Variants in BLOC1S3 observed in about 807,000 individuals in gnomAD.
BLOC1S3 encodes biogenesis of lysosomal organelles complex 1 subunit 3.
In BLOC1S3, 7 loss-of-function variants were observed where a neutral mutation model predicts 9.1. The observed-to-expected ratio is 0.77, with a 90% CI of 0.44 to 1.45. BLOC1S3 has a LOEUF of 1.45. Ranked by LOEUF, BLOC1S3 falls within the 40% of genes most tolerant of loss-of-function variation. The pLI is 0.01. For synonymous variants in BLOC1S3, 145 were observed against 158.4 expected, an observed-to-expected ratio of 0.92 and a Z score of 0.64; for missense variants, 307 against 315.2, an observed-to-expected ratio of 0.97 and a Z score of 0.20.
At chr19:45,183,131 AG>A (rs1483006783), downstream of BLOC1S3, among the ~76,000 whole-genome samples, 1 of 151,978 alleles carries the variant, frequency 6.6e-6, no homozygotes, top group Non-Finnish European at 1.5e-5. Context: ...GTTGTGGGGC[AG>A]GGGGGTGCTG....
chr19:45,213,202 G>T, intron 3 of BLOC1S3: 1 of 1,609,852 alleles, frequency 6.2e-7, no homozygotes, highest in Non-Finnish European at 8.5e-7. Context: ...AGATGGGCGG[G>T]GCACAGGGAT....
chr19:45,201,772 T>C (rs1969692248), intron 2 of BLOC1S3, among the ~76,000 whole-genome samples: 1 of 151,614 alleles, frequency 6.6e-6, no homozygotes, highest in Non-Finnish European at 1.5e-5. Flanking sequence ...AATTCCCCTA[T>C]GTTATAGGGG....
Position 45,195,459 on chromosome 19 carries a change from G to A in BLOC1S3, n.181-6947G>A, listed in dbSNP as rs191690018. ...TGCACTCAAGTGATCCGCCCACTTTGGCCTCCCAAAGTGTTGGGATTATAG... is the reference window on the plus strand; with the variant it reads ...TGCACTCAAGTGATCCGCCCACTTTAGCCTCCCAAAGTGTTGGGATTATAG... On this transcript the variant is annotated intron_variant and non_coding_transcript_variant, in intron 2 of 3. Transcript: ENST00000591569. 7.1e-3 allele frequency among the ~76,000 whole-genome samples: 1,080 copies of A among 151,838 alleles called. 26 individuals are homozygous for A. Among genetic ancestry groups the A allele is most frequent in the Non-Finnish European group, 4.7e-3 (319 of 67,898 alleles).
intron 3 of BLOC1S3, among the ~76,000 whole-genome samples, chr19:45,211,874 G>A (rs1969774706): frequency 6.6e-6 from 1 of 152,152 alleles, no homozygotes; most frequent in Non-Finnish European, 1.5e-5. Context: ...GTCCAGCCCA[G>A]GCCGGAGGGG....
chr19:45,184,082 C>T (rs1487336807), downstream of BLOC1S3, among the ~76,000 whole-genome samples: 1 of 152,208 alleles, frequency 6.6e-6, no homozygotes. Context: ...CTAGCCAGGC[C>T]TGGCTTTCAG....
intron 2 of BLOC1S3, among the ~76,000 whole-genome samples, chr19:45,197,210 G>A (rs1049214694): frequency 6.6e-6 from 1 of 151,832 alleles, no homozygotes; most frequent in Non-Finnish European, 1.5e-5. Flanking sequence ...AGAAGTCCAG[G>A]TGCGGTGGCT....
At chr19:45,212,964 C>T in intron 3 of BLOC1S3, 1 of 1,283,766 alleles carries the variant, frequency 7.8e-7, no homozygotes, top group Non-Finnish European at 1.0e-6. Context: ...TCTTTCTATC[C>T]CAGGGGTGTG....
At chr19:45,209,271 ACTC>A (rs1179048687) in intron 3 of BLOC1S3, among the ~76,000 whole-genome samples, 3 of 151,620 alleles carry the variant, frequency 2.0e-5, no homozygotes, top group Admixed American at 6.6e-5. Context: ...CTGGTCTTAA[ACTC>A]CTGACCTCAA....
intron 2 of BLOC1S3, among the ~76,000 whole-genome samples, chr19:45,189,300 A>G (rs1599750810): frequency 6.6e-6 from 1 of 152,102 alleles, no homozygotes; most frequent in East Asian, 1.9e-4. Flanking sequence ...GATTACAAGT[A>G]TGTGCCACTG....
chr19:45,213,673 C>T (rs911515716), intron 3 of BLOC1S3, among the ~76,000 whole-genome samples: 5 of 151,968 alleles, frequency 3.3e-5, no homozygotes, highest in Non-Finnish European at 7.4e-5. Context: ...AGCTGGGTGC[C>T]GTGGCTCATG....
At chr19:45,197,311 AC>A (rs1483032750) in intron 2 of BLOC1S3, among the ~76,000 whole-genome samples, 2 of 151,898 alleles carry the variant, frequency 1.3e-5, no homozygotes, top group Non-Finnish European at 2.9e-5. Flanking sequence ...ACATGGCGAA[AC>A]CCTGTCTCTA....
chr19:45,214,132 G>A (rs1717003875), intron 3 of BLOC1S3, among the ~76,000 whole-genome samples: 1 of 152,026 alleles, frequency 6.6e-6, no homozygotes, highest in Non-Finnish European at 1.5e-5. Flanking sequence ...CTCCACATCA[G>A]CAAGAATACT....
At chr19:45,216,719 T>C (rs1969839104) in exon 4 of BLOC1S3, 1 of 152,606 alleles carries the variant, frequency 6.6e-6, no homozygotes, top group Non-Finnish European at 1.5e-5. Context: ...TCCAAACCTC[T>C]TCCACGTCTG....
rs753713400 is a variant in BLOC1S3, at chr19:45,179,608, C to CG, written c.313dup (p.Ala105GlyfsTer40). 2 of 1,472,992 alleles carry CG rather than the reference C, an allele frequency of 1.4e-6. No homozygotes were observed. Among genetic ancestry groups the CG allele is most frequent in the South Asian group, 2.6e-5 (2 of 77,412 alleles). 91.2% of individuals were successfully genotyped at this position (1,472,992 alleles called of 1,614,324 possible). On this transcript the variant is annotated frameshift_variant, in exon 2 of 2. Coordinates refer to ENST00000433642, the MANE Select transcript of BLOC1S3 (RefSeq NM_212550.5). LOFTEE classifies it high-confidence loss of function. This position sits in a 1 kb window ranked among gnomAD's most constrained non-coding sequence, Gnocchi z 4.6. ...CGGAGGAGGCCCCGGCGCCCGCCCC[C>CG]GCGCGCTCGCTCCTGCAACTTCGGC...
chr19:45,190,521 T>C (rs1969596570), intron 2 of BLOC1S3, among the ~76,000 whole-genome samples: 1 of 151,864 alleles, frequency 6.6e-6, no homozygotes, highest in Non-Finnish European at 1.5e-5. Flanking sequence ...CACCTTAGCC[T>C]CCTGAGTAGC....
intron 3 of BLOC1S3, among the ~76,000 whole-genome samples, chr19:45,209,919 A>G (rs1969755579): frequency 6.6e-6 from 1 of 150,986 alleles, no homozygotes; most frequent in African/African-American, 2.4e-5. Context: ...TTTAGTAAAG[A>G]TGGGGTTTCA....
intron 2 of BLOC1S3, among the ~76,000 whole-genome samples, chr19:45,194,102 C>CTTTTTTTT (rs34470523): frequency 2.2e-5 from 1 of 45,120 alleles, no homozygotes; most frequent in East Asian, 5.0e-4. Context: ...CGCGCCTGGC[C>CTTTTTTTT]TTTTTTTTTT....
At position 45,216,180 on chromosome 19, in the gene BLOC1S3, C is replaced by G. The variant is rs1482757962; in HGVS notation, n.283-496C>G. The G allele has an allele frequency of 5.0e-6, 8 of 1,613,734 alleles. No homozygotes were observed. The highest frequency in any genetic ancestry group is 2.2e-5 in the East Asian group (1 of 44,892). ...AATGGGGCACCACGGCATCCAGCCA[C>G]GAGGCCTGGGACTCCTGCAGGGGAG... On this transcript the variant is annotated intron_variant and non_coding_transcript_variant, in intron 3 of 3. Coordinates refer to the BLOC1S3 transcript ENST00000591569.
chr19:45,179,825 G>T lies in BLOC1S3; in HGVS notation c.529G>T (p.Val177Leu). 1.4e-5 allele frequency: 22 copies of T among 1,607,702 alleles called. No homozygotes were observed. The highest frequency in any genetic ancestry group is 1.8e-5 in the Non-Finnish European group (21 of 1,178,352). Reference sequence around the variant, plus strand: ...TGCGCTGGCCGAGCGTCTGGACATCGTGGCTGGCTGCCGCCTGCTGCCGGA... The same window carrying T: ...TGCGCTGGCCGAGCGTCTGGACATCTTGGCTGGCTGCCGCCTGCTGCCGGA... ...LCALAERLDI[V>L]AGCRLLPDIR... The change falls in exon 2 of 2, where the codon GTG (valine) becomes TTG (leucine). Residue 177 changes from valine (V) to leucine (L), a missense_variant. Transcript: ENST00000433642. This position sits in a 1 kb window ranked among gnomAD's most constrained non-coding sequence, Gnocchi z 4.6.
Sources: gnomAD v4.1 joint callset for allele counts (sites outside exome capture counted in the v4.1 genomes callset) on GRCh38, gnomAD v4.1.1 for gene constraint, Gnocchi (gnomAD v3.1) non-coding constraint, MANE v1.5 for transcripts, NCBI Gene and HGNC (gene_info 2026-07-23, HGNC 2026-07-21) for gene names.